TMEM117: variants seen among roughly 807,000 people sequenced by gnomAD.
TMEM117 encodes the protein transmembrane protein 117.
Under a neutral mutation model 52.4 loss-of-function variants are expected in TMEM117, and 27 were observed. The observed-to-expected ratio is 0.51, with a 90% CI of 0.38 to 0.71. The LOEUF (loss-of-function observed/expected upper bound fraction) is 0.71. Ranked by LOEUF, TMEM117 falls within the 30% of genes least tolerant of loss-of-function variation. The pLI is 0.00. For missense variants in TMEM117, 556 were observed against 630.5 expected (o/e 0.88, Z 1.26); for synonymous variants, 215 against 206.3 (o/e 1.04, Z -0.36).
intron 3 of TMEM117, among the ~76,000 whole-genome samples, chr12:44,000,596 T>G (rs73087620): frequency 0.04 from 6,137 of 152,186 alleles, 202 homozygotes; most frequent in African/African-American, 0.089. Context: ...GCAACTGGGC[T>G]GAGTCTTACT....
At chr12:44,205,601 G>A (rs954536260) in intron 4 of TMEM117, among the ~76,000 whole-genome samples, 5 of 152,054 alleles carry the variant, frequency 3.3e-5, no homozygotes, top group Admixed American at 6.6e-5. Context: ...AATGGGCAAA[G>A]GACATGAACA....
At chr12:44,130,269 G>A (rs1291134059) in intron 3 of TMEM117, among the ~76,000 whole-genome samples, 1 of 152,042 alleles carries the variant, frequency 6.6e-6, no homozygotes, top group Non-Finnish European at 1.5e-5. Flanking sequence ...ATTATTAAGT[G>A]GACACTCATG....
chr12:43,993,883 C>G (rs751089361), intron 3 of TMEM117, among the ~76,000 whole-genome samples: 6 of 151,994 alleles, frequency 3.9e-5, no homozygotes, highest in Non-Finnish European at 8.8e-5. Flanking sequence ...TTTGTAGAGA[C>G]AAGGTTTTGC....
In TMEM117 at chr12:44,140,448, C is replaced by T. The variant is rs542574999; in HGVS notation, c.411-3077C>T. On this transcript the variant is annotated intron_variant, in intron 3 of 7. Transcript: ENST00000266534. ...TTTAAACAAATATTTATTAATTCTC[C>T]ACTGGAGAATCAACAGTAGACAAGA... Among the ~76,000 whole-genome samples the T allele has an allele frequency of 5.3e-5, 8 of 152,058 alleles. No individual in the cohort carries two copies. The East Asian group carries it at 1.5e-3, about 29-fold the overall frequency.
intron 3 of TMEM117, among the ~76,000 whole-genome samples, chr12:44,057,795 A>G (rs1391574116): frequency 6.6e-6 from 1 of 152,180 alleles, no homozygotes; most frequent in Non-Finnish European, 1.5e-5. Context: ...CTGTTGCTTG[A>G]TTTATTTATC....
At chr12:44,176,723 T>C (rs1245570368) in intron 4 of TMEM117, among the ~76,000 whole-genome samples, 1 of 152,176 alleles carries the variant, frequency 6.6e-6, no homozygotes, top group Non-Finnish European at 1.5e-5. Context: ...AAAATAATTC[T>C]ATATGGAGAA....
At chr12:44,395,908 G>A in the TMEM117 span, among the ~76,000 whole-genome samples, 1 of 152,198 alleles carries the variant, frequency 6.6e-6, no homozygotes, top group Non-Finnish European at 1.5e-5. Flanking sequence ...AAAGGACATG[G>A]AACAAGTTTC....
intron 3 of TMEM117, among the ~76,000 whole-genome samples, chr12:44,136,590 A>G (rs1300531940): frequency 2.6e-5 from 4 of 152,174 alleles, no homozygotes; most frequent in Non-Finnish European, 4.4e-5. Context: ...TGGATAAAAT[A>G]AATGTGTTTT....
chr12:43,853,906 T>C (rs1312128952), intron 2 of TMEM117, among the ~76,000 whole-genome samples: 1 of 152,178 alleles, frequency 6.6e-6, no homozygotes, highest in Admixed American at 6.5e-5. Flanking sequence ...GTATTCCTTA[T>C]AGATTTCAGG....
chr12:43,802,380 T>C, the TMEM117 span: 1 of 1,606,164 alleles, frequency 6.2e-7, no homozygotes, highest in Non-Finnish European at 8.5e-7. Flanking sequence ...TGGTTGTTTG[T>C]CCTCCAACAG....
intron 2 of TMEM117, among the ~76,000 whole-genome samples, chr12:43,901,810 T>A (rs1342203439): frequency 6.6e-6 from 1 of 152,150 alleles, no homozygotes; most frequent in Non-Finnish European, 1.5e-5. Context: ...ATGTATTCCA[T>A]GAAATTATGA....
In TMEM117 at chr12:44,388,442, C is replaced by G; in HGVS notation, c.1315C>G (p.Pro439Ala). The G allele has an allele frequency of 6.2e-7, 1 of 1,613,386 alleles. No homozygotes were observed. The highest frequency in any genetic ancestry group is 8.5e-7 in the Non-Finnish European group (1 of 1,179,662). The change falls in exon 8 of 8, where the codon CCA becomes GCA. Residue 439 changes from proline to alanine, a missense_variant. Transcript: ENST00000266534. ...TTACACTCGCATGAAAAGAAAATCT[C>G]CATCAGAACATAGCAAAGACATGGG... is the stretch of plus-strand genomic sequence containing the variant. ...KTYTRMKRKS[P>A]SEHSKDMGIT... is the part of the protein sequence containing the mutation.
At chr12:43,945,919 T>C (rs1411915794) in intron 3 of TMEM117, among the ~76,000 whole-genome samples, 1 of 152,196 alleles carries the variant, frequency 6.6e-6, no homozygotes, top group African/African-American at 2.4e-5. Context: ...TAGAATTTCA[T>C]TGTTTTTCCC....
intron 4 of TMEM117, among the ~76,000 whole-genome samples, chr12:44,158,814 T>C (rs969629582): frequency 6.6e-6 from 1 of 152,094 alleles, no homozygotes. Context: ...TTTTACATAA[T>C]AGGAATTCTA....
intron 2 of TMEM117, among the ~76,000 whole-genome samples, chr12:43,936,103 T>C (rs1944948350): frequency 6.6e-6 from 1 of 152,128 alleles, no homozygotes; most frequent in Non-Finnish European, 1.5e-5. Flanking sequence ...AGGGGTGACT[T>C]GATTTGACCA....
chr12:44,127,166 A>T (rs532732883), intron 3 of TMEM117, among the ~76,000 whole-genome samples: 1 of 152,166 alleles, frequency 6.6e-6, no homozygotes, highest in Non-Finnish European at 1.5e-5. Context: ...TAAAATTAGG[A>T]TCATAGAGAT....
At chr12:44,127,534 G>T (rs1948345738) in intron 3 of TMEM117, among the ~76,000 whole-genome samples, 1 of 151,942 alleles carries the variant, frequency 6.6e-6, no homozygotes, top group Admixed American at 6.6e-5. Flanking sequence ...AAATTAGCTG[G>T]GTTTGTTGGT....
Position 43,912,507 on chromosome 12 carries a change from T to TTATATATATATATATATATATA in TMEM117, c.278-31695_278-31674dup, listed in dbSNP as rs56170922. Among the ~76,000 whole-genome samples the TTATATATATATATATATATATA allele has an allele frequency of 1.9e-3, 246 of 131,878 alleles. 13 individuals are homozygous for TTATATATATATATATATATATA. The highest frequency in any genetic ancestry group is 6.6e-3 in the African/African-American group (164 of 24,912). 86.5% of individuals were successfully genotyped at this position (131,878 alleles called of 152,430 possible). ...AAACTTAAAGTATAATAATAATAAT[T>TTATATATATATATATATATATA]TATATATATATATATATATATATAT... On this transcript the variant is annotated intron_variant, in intron 2 of 7. Coordinates refer to ENST00000266534, the MANE Select transcript of TMEM117 (RefSeq NM_032256.3).
At chr12:44,393,534 C>T (rs910930983), downstream of TMEM117, among the ~76,000 whole-genome samples, 5 of 151,922 alleles carry the variant, frequency 3.3e-5, no homozygotes, top group African/African-American at 1.2e-4. Flanking sequence ...TTGACTTGCC[C>T]GAGGACTGAA....
Sources: allele counts gnomAD v4.1 joint callset (sites outside exome capture counted in the v4.1 genomes callset), GRCh38; gene constraint gnomAD v4.1.1; transcripts MANE v1.5; gene names NCBI Gene and HGNC (gene_info 2026-07-23, HGNC 2026-07-21).